Variants in NLGN1 observed in about 807,000 individuals in gnomAD.
NLGN1 encodes the protein neuroligin 1, also known as neuroligin-1.
A neutral mutation model predicts 65.5 loss-of-function variants in NLGN1; 12 were observed. The observed-to-expected ratio is 0.18, with a 90% CI of 0.12 to 0.30. The LOEUF is 0.30. Among genes scored for constraint, NLGN1 ranks in the 10% least tolerant of loss-of-function variants. NLGN1 has a pLI of 1.00. For synonymous variants in NLGN1, 350 were observed against 359.5 expected (o/e 0.97, Z 0.30); for missense variants, 750 against 1,007.1 (o/e 0.74, Z 3.46).
chr3:174,131,842 T>C (rs1720257866), intron 4 of NLGN1, among the ~76,000 whole-genome samples: 2 of 152,202 alleles, frequency 1.3e-5, no homozygotes, highest in South Asian at 4.1e-4. Context: ...AGAAAGGTTG[T>C]ATTGATTTCA....
In NLGN1 at chr3:173,957,650, G is replaced by A. The variant is rs184837661; in HGVS notation, c.646+149818G>A. Among the ~76,000 whole-genome samples the A allele has an allele frequency of 1.9e-3, 293 of 152,310 alleles. 1 individual carries two copies. Among genetic ancestry groups the A allele is most frequent in the African/African-American group, 6.2e-3 (258 of 41,580 alleles). On this transcript the variant is annotated intron_variant, in intron 4 of 6. Transcript: ENST00000457714. ...TGGGTCATGGCAGAAAATGCTATGT[G>A]CTCCTTACGGGTTGGACTCTTAAGA...
intron 4 of NLGN1, among the ~76,000 whole-genome samples, chr3:174,029,392 A>G (rs1353307806): frequency 6.6e-6 from 1 of 152,190 alleles, no homozygotes; most frequent in Non-Finnish European, 1.5e-5. Context: ...TTGGACTTGC[A>G]TGGGGCCTGT....
intron 4 of NLGN1, among the ~76,000 whole-genome samples, chr3:173,924,271 T>C (rs946279767): frequency 3.9e-5 from 6 of 152,156 alleles, no homozygotes; most frequent in Admixed American, 6.6e-5. Context: ...TCTATTTATA[T>C]ACATATTTTC....
chr3:174,104,322 T>G (rs1713230079), intron 4 of NLGN1, among the ~76,000 whole-genome samples: 1 of 152,152 alleles, frequency 6.6e-6, no homozygotes, highest in Non-Finnish European at 1.5e-5. Context: ...TCAAATAGCT[T>G]TTATTGAGCA....
chr3:173,999,510 A>G (rs2152424982), intron 4 of NLGN1, among the ~76,000 whole-genome samples: 1 of 152,306 alleles, frequency 6.6e-6, no homozygotes, highest in South Asian at 2.1e-4. Context: ...TCTTGTAATA[A>G]TGGGAAAATT....
intron 2 of NLGN1, among the ~76,000 whole-genome samples, chr3:173,453,280 G>T (rs995538354): frequency 1.1e-4 from 16 of 151,724 alleles, no homozygotes; most frequent in African/African-American, 3.6e-4. Flanking sequence ...TGTGTGTTTT[G>T]TAGAGATGGG....
intron 4 of NLGN1, among the ~76,000 whole-genome samples, chr3:173,840,222 G>C (rs191233003): frequency 7.9e-5 from 12 of 152,202 alleles, no homozygotes; most frequent in Non-Finnish European, 1.8e-4. Context: ...AGGGGACAAA[G>C]TCTTCCCAGA....
chr3:173,450,208 TC>T (rs1191733080), intron 2 of NLGN1, among the ~76,000 whole-genome samples: 22 of 152,342 alleles, frequency 1.4e-4, no homozygotes, highest in Admixed American at 1.4e-3. Context: ...TACTGGTTGT[TC>T]CTTTCCATGT....
chr3:173,470,685 G>A (rs756034829), intron 2 of NLGN1, among the ~76,000 whole-genome samples: 1 of 152,068 alleles, frequency 6.6e-6, no homozygotes, highest in Non-Finnish European at 1.5e-5. Context: ...ACAGTCTTTG[G>A]TAGATAGAAA....
intron 4 of NLGN1, among the ~76,000 whole-genome samples, chr3:174,259,541 G>T (rs1398123232): frequency 6.6e-6 from 1 of 151,636 alleles, no homozygotes; most frequent in Non-Finnish European, 1.5e-5. Context: ...AGCAAATCAA[G>T]ACACAATGTC....
intron 4 of NLGN1, among the ~76,000 whole-genome samples, chr3:174,179,619 A>G (rs567994577): frequency 6.6e-6 from 1 of 152,130 alleles, no homozygotes; most frequent in South Asian, 2.1e-4. Flanking sequence ...AAAGAATTCC[A>G]TGTTAACTCT....
intron 2 of NLGN1, among the ~76,000 whole-genome samples, chr3:173,505,608 C>T (rs576326536): frequency 6.6e-6 from 1 of 152,118 alleles, no homozygotes; most frequent in African/African-American, 2.4e-5. Context: ...ATTACCTCCA[C>T]CTTGAAAGTT....
At chr3:174,044,464 T>A (rs1733073545) in intron 4 of NLGN1, among the ~76,000 whole-genome samples, 1 of 152,106 alleles carries the variant, frequency 6.6e-6, no homozygotes, top group African/African-American at 2.4e-5. Context: ...ATCATCCCTC[T>A]CCAGTTCAAA....
chr3:173,515,528 T>C (rs917904544), intron 2 of NLGN1, among the ~76,000 whole-genome samples: 3 of 152,158 alleles, frequency 2.0e-5, no homozygotes, highest in Non-Finnish European at 4.4e-5. Flanking sequence ...TGGTTGCCCA[T>C]GCTTTTGGTG....
At chr3:174,184,756 G>A (rs1249195506) in intron 4 of NLGN1, among the ~76,000 whole-genome samples, 1 of 152,170 alleles carries the variant, frequency 6.6e-6, no homozygotes, top group African/African-American at 2.4e-5. Context: ...GTGAGAAACG[G>A]TGGAAGCTAG....
At chr3:174,126,960 A>C (rs899642252) in intron 4 of NLGN1, among the ~76,000 whole-genome samples, 3 of 152,138 alleles carry the variant, frequency 2.0e-5, no homozygotes, top group Non-Finnish European at 4.4e-5. Flanking sequence ...TATTGCTCTA[A>C]ACTCTATTGG....
intron 4 of NLGN1, among the ~76,000 whole-genome samples, chr3:174,257,592 G>C (rs1746032924): frequency 6.6e-6 from 1 of 152,092 alleles, no homozygotes; most frequent in Admixed American, 6.6e-5. Flanking sequence ...AAAGGAATGA[G>C]TTATGTCCTT....
intron 2 of NLGN1, among the ~76,000 whole-genome samples, chr3:173,440,039 T>C (rs940766563): frequency 2.0e-5 from 3 of 152,184 alleles, no homozygotes; most frequent in Non-Finnish European, 4.4e-5. Context: ...TCTTAGTTGC[T>C]TTATCAAGTA....
At chr3:174,179,667 C>T (rs1443005838) in intron 4 of NLGN1, among the ~76,000 whole-genome samples, 1 of 152,012 alleles carries the variant, frequency 6.6e-6, no homozygotes, top group Non-Finnish European at 1.5e-5. Flanking sequence ...TGTTGCAAAA[C>T]CAGAGTAGTA....
Sources: allele counts gnomAD v4.1 joint callset (sites outside exome capture counted in the v4.1 genomes callset), GRCh38; gene constraint gnomAD v4.1.1; transcripts MANE v1.5; gene names NCBI Gene and HGNC (gene_info 2026-07-23, HGNC 2026-07-21).